Variants in MACROD2 observed in about 807,000 individuals in gnomAD.
MACROD2 encodes ADP-ribose glycohydrolase MACROD2.
MACROD2 carries 36 observed loss-of-function variants against 70.4 expected under a neutral mutation model. That is an observed-to-expected ratio of 0.51 (90% CI 0.39 to 0.68). MACROD2 has a LOEUF of 0.68. Ranked by LOEUF, MACROD2 falls within the 30% of genes least tolerant of loss-of-function variation. MACROD2 has a pLI of 0.00. For synonymous variants in MACROD2, 172 were observed against 178.8 expected (o/e 0.96, Z 0.30); for missense variants, 496 against 538.4 (o/e 0.92, Z 0.78).
At chr20:15,907,056 G>A (rs2065158256) in intron 10 of MACROD2, among the ~76,000 whole-genome samples, 1 of 152,134 alleles carries the variant, frequency 6.6e-6, no homozygotes, top group Admixed American at 6.5e-5. Flanking sequence ...ATTCATTTGT[G>A]TACTTATTTA....
chr20:14,041,443 T>C (rs1183569751), intron 2 of MACROD2, among the ~76,000 whole-genome samples: 1 of 152,138 alleles, frequency 6.6e-6, no homozygotes, highest in African/African-American at 2.4e-5. Flanking sequence ...ATATGATAAA[T>C]ACTAAGAATT....
At chr20:14,718,335 G>A (rs914291120) in intron 5 of MACROD2, among the ~76,000 whole-genome samples, 19 of 143,350 alleles carry the variant, frequency 1.3e-4, no homozygotes, top group East Asian at 4.2e-4. Flanking sequence ...ATATATATGT[G>A]TATATATATT....
chr20:15,629,224 C>A (rs1181950261), intron 8 of MACROD2, among the ~76,000 whole-genome samples: 1 of 152,204 alleles, frequency 6.6e-6, no homozygotes, highest in African/African-American at 2.4e-5. Context: ...CTCTTGCCAG[C>A]AGTGTATGAG....
intron 5 of MACROD2, among the ~76,000 whole-genome samples, chr20:14,928,504 G>A (rs1441770740): frequency 2.0e-5 from 3 of 152,170 alleles, no homozygotes; most frequent in African/African-American, 7.2e-5. Flanking sequence ...CTGACTTAGA[G>A]GAAGATAAAG....
In MACROD2 at chr20:13,995,845, T is replaced by TGGGGGGTGGGGGGGGGGGGGGGGGG; in HGVS notation, c.46+41_46+42insGTGGGGGGGGGGGGGGGGGGGGGGG. ...CGTCGAGTCCTGGGGGTGCGGGCGG[T>TGGGGGGTGGGGGGGGGGGGGGGGGG]GGGGGTTAGGGTGGGGGCGGGGGTC... On this transcript the variant is annotated intron_variant, in intron 1 of 17. Coordinates refer to ENST00000684519, the MANE Select transcript of MACROD2 (RefSeq NM_001351661.2). The surrounding 1 kb of genome is among the most constrained non-coding windows in gnomAD (Gnocchi z 4.3). 3.4e-6 allele frequency: 1 copy of TGGGGGGTGGGGGGGGGGGGGGGGGG among 298,380 alleles called. No homozygotes were observed. Among genetic ancestry groups the TGGGGGGTGGGGGGGGGGGGGGGGGG allele is most frequent in the Non-Finnish European group, 6.2e-6 (1 of 161,000 alleles). The allele number at this position is 298,380 out of a possible 1,614,324, so 18.5% of individuals were successfully genotyped here.
chr20:15,724,190 C>A (rs2050828128), intron 8 of MACROD2, among the ~76,000 whole-genome samples: 1 of 152,064 alleles, frequency 6.6e-6, no homozygotes, highest in Non-Finnish European at 1.5e-5. Context: ...TCAGATGTGT[C>A]TTTTGCAAAT....
chr20:14,523,559 G>T (rs1263209825), intron 4 of MACROD2: 3 of 152,076 alleles, frequency 2.0e-5, no homozygotes, highest in Admixed American at 1.3e-4. Context: ...CTTCACCTAG[G>T]GTTCCTGGGC....
intron 7 of MACROD2, among the ~76,000 whole-genome samples, chr20:15,461,517 A>G (rs1041319498): frequency 1.5e-4 from 23 of 152,350 alleles, no homozygotes; most frequent in Admixed American, 1.4e-3. Context: ...AGTCCTTAGA[A>G]TGAGTCTTTA....
chr20:14,222,813 G>GGAAAA (rs1555938552), intron 3 of MACROD2, among the ~76,000 whole-genome samples: 4 of 132,916 alleles, frequency 3.0e-5, no homozygotes, highest in Admixed American at 7.6e-5. Flanking sequence ...TTGGATTTCT[G>GGAAAA]AAAAAAAAAA....
chr20:15,938,343 C>A (rs1028818385), intron 12 of MACROD2, among the ~76,000 whole-genome samples: 2 of 152,160 alleles, frequency 1.3e-5, no homozygotes, highest in Non-Finnish European at 2.9e-5. Context: ...CTGCATCAAG[C>A]AAGTCTGTCG....
intron 5 of MACROD2, among the ~76,000 whole-genome samples, chr20:14,806,440 C>A (rs1243021156): frequency 6.6e-6 from 1 of 152,096 alleles, no homozygotes; most frequent in African/African-American, 2.4e-5. Flanking sequence ...GTCTTCACAA[C>A]CCACAGACCA....
At chr20:15,633,859 G>T (rs2049327068) in intron 8 of MACROD2, among the ~76,000 whole-genome samples, 1 of 152,158 alleles carries the variant, frequency 6.6e-6, no homozygotes, top group Non-Finnish European at 1.5e-5. Context: ...GGTTTTGTAT[G>T]AATCTATTGT....
chr20:14,953,100 G>C (rs1320136481), intron 5 of MACROD2, among the ~76,000 whole-genome samples: 2 of 151,484 alleles, frequency 1.3e-5, no homozygotes, highest in African/African-American at 4.8e-5. Context: ...ATAAATAATA[G>C]ACCAGAAAAA....
intron 3 of MACROD2, chr20:14,323,409 T>C (rs909346417): frequency 6.6e-6 from 1 of 152,182 alleles, no homozygotes; most frequent in Non-Finnish European, 1.5e-5. Flanking sequence ...TCTCCAGGCA[T>C]GCCATCCTGC....
At chr20:14,844,422 C>T (rs926277598) in intron 5 of MACROD2, among the ~76,000 whole-genome samples, 4 of 151,908 alleles carry the variant, frequency 2.6e-5, no homozygotes, top group African/African-American at 7.2e-5. Flanking sequence ...GAGGCTGAGA[C>T]GGGAGAATCG....
At chr20:15,921,185 G>A (rs913486307) in intron 10 of MACROD2, among the ~76,000 whole-genome samples, 4 of 152,080 alleles carry the variant, frequency 2.6e-5, no homozygotes, top group African/African-American at 9.7e-5. Flanking sequence ...ATGTGACCAC[G>A]GTCTTCACCT....
chr20:15,033,488 A>G (rs928324480), intron 5 of MACROD2, among the ~76,000 whole-genome samples: 2 of 152,144 alleles, frequency 1.3e-5, no homozygotes, highest in African/African-American at 2.4e-5. Flanking sequence ...TGCTTTGTCC[A>G]TTTTATCTGC....
At chr20:14,923,757 G>T (rs1050175304) in intron 5 of MACROD2, among the ~76,000 whole-genome samples, 1 of 144,788 alleles carries the variant, frequency 6.9e-6, no homozygotes, top group African/African-American at 2.6e-5. Context: ...TATAGGCCTT[G>T]TGCCTCAGGG....
In MACROD2 at chr20:15,162,024, T is replaced by G. The variant is rs142826507; in HGVS notation, c.419-67916T>G. 1.1e-3 allele frequency among the ~76,000 whole-genome samples: 160 copies of G among 141,940 alleles called. 4 individuals carry two copies. In the East Asian group the frequency reaches 0.029, roughly 25 times the overall value. 93.1% of individuals were successfully genotyped at this position (141,940 alleles called of 152,430 possible). ...ATTAAAATGGCTTAATGGGGTTAAT[T>G]AAAAACCATCTTAGAAATAAAGAAG... is the stretch of plus-strand genomic sequence containing the variant. On this transcript the variant is annotated intron_variant, in intron 5 of 17. Coordinates refer to ENST00000684519, the MANE Select transcript of MACROD2 (RefSeq NM_001351661.2).
Sources: gnomAD v4.1 joint callset for allele counts (sites outside exome capture counted in the v4.1 genomes callset) on GRCh38, gnomAD v4.1.1 for gene constraint, Gnocchi (gnomAD v3.1) non-coding constraint, MANE v1.5 for transcripts, NCBI Gene and HGNC (gene_info 2026-07-23, HGNC 2026-07-21) for gene names.